The following RBP5 variants were observed in gnomAD, a reference collection of about 807,000 sequenced individuals.
RBP5 encodes retinol-binding protein 5.
A neutral mutation model predicts 17.8 loss-of-function variants in RBP5; 12 were observed. The ratio of observed to expected loss-of-function variants is 0.67; its 90% CI spans 0.43 to 1.09. The LOEUF (loss-of-function observed/expected upper bound fraction) is 1.09, where lower values mean the gene tolerates loss of function less well. Ranked by LOEUF, RBP5 falls within the 50% of genes least tolerant of loss-of-function variation. The pLI, the probability that RBP5 is intolerant of heterozygous loss-of-function variation, is 0.00. For synonymous variants in RBP5, 64 were observed against 68.1 expected (o/e 0.94, Z 0.30); for missense variants, 172 against 169.4 (o/e 1.02, Z -0.09).
downstream of RBP5, chr12:7,120,365 G>A (rs1436572941): frequency 1.3e-5 from 2 of 154,528 alleles, no homozygotes; most frequent in Non-Finnish European, 2.9e-5. Context: ...GGCCTGGAGA[G>A]TGCCGATTCT....
upstream of RBP5, chr12:7,129,508 T>G: frequency 1.7e-6 from 1 of 602,820 alleles, no homozygotes; most frequent in Non-Finnish European, 2.1e-6. This position sits in a 1 kb window ranked among gnomAD's most constrained non-coding sequence, Gnocchi z 5.5. Flanking sequence ...CTGAGAGGAG[T>G]TTGTTGGCTA....
chr12:7,121,283 C>T (rs913078435), downstream of RBP5, among the ~76,000 whole-genome samples: 3 of 152,086 alleles, frequency 2.0e-5, no homozygotes, highest in African/African-American at 2.4e-5. Flanking sequence ...GGGAAAGGTA[C>T]CAAAATGGCC....
intron 2 of RBP5, among the ~76,000 whole-genome samples, chr12:7,125,751 C>T (rs760737654): frequency 1.3e-5 from 2 of 152,234 alleles, no homozygotes; most frequent in African/African-American, 4.8e-5. Context: ...AGGGCTCTAA[C>T]CTAGAGTATA....
rs1397716561 is a variant in RBP5, at chr12:7,128,410, A to T, written c.82T>A (p.Leu28Met). The T allele has an allele frequency of 6.2e-7, 1 of 1,613,982 alleles. No individual in the cohort carries two copies. Among genetic ancestry groups the T allele is most frequent in the East Asian group, 2.2e-5 (1 of 44,892 alleles). ...AGCAGCGCGATCTTCCGCACAGCCA[A>T]GCTGATGTCTGTGGGGGCTGCCTGT... ...EDYLQALNIS[L>M]AVRKIALLLK... Residue 28 changes from leucine to methionine, a missense_variant, in exon 2 of 4, where the codon TTG becomes ATG. By Grantham distance (15) the Leu-to-Met change is conservative. Coordinates refer to ENST00000266560, the MANE Select transcript of RBP5 (RefSeq NM_031491.4). This position sits in a 1 kb window ranked among gnomAD's most constrained non-coding sequence, Gnocchi z 5.3.
chr12:7,126,988 A>ATTTTT (rs35155124), intron 2 of RBP5, among the ~76,000 whole-genome samples: 1 of 86,514 alleles, frequency 1.2e-5, no homozygotes, highest in Non-Finnish European at 2.2e-5. Flanking sequence ...GTACTTTTGT[A>ATTTTT]TTTTTTTTTT....
upstream of RBP5, chr12:7,129,043 TG>T: frequency 2.4e-6 from 1 of 412,454 alleles, no homozygotes; most frequent in South Asian, 2.3e-5. This position sits in a 1 kb window ranked among gnomAD's most constrained non-coding sequence, Gnocchi z 5.5. Flanking sequence ...CGCCTGACCT[TG>T]GCTTTTCCTG....
chr12:7,120,928 T>G (rs1939072412), downstream of RBP5: 1 of 151,024 alleles, frequency 6.6e-6, no homozygotes, highest in South Asian at 2.1e-4. Flanking sequence ...CTCAGGAGGC[T>G]GAGGCACAAG....
downstream of RBP5, chr12:7,119,021 G>C (rs1939043267): frequency 6.5e-6 from 1 of 152,808 alleles, no homozygotes; most frequent in African/African-American, 2.4e-5. Context: ...GAAGCTCCAG[G>C]GCAGGGTGAG....
In RBP5 at chr12:7,124,683, C is replaced by T. The variant is rs1291468196; in HGVS notation, c.300G>A (p.Gly100=). 2.5e-6 allele frequency: 4 copies of T among 1,613,364 alleles called. No individual in the cohort carries two copies. The highest frequency in any genetic ancestry group is 3.4e-6 in the Non-Finnish European group (4 of 1,179,456). Residue 100 remains glycine (G), a synonymous_variant, in exon 3 of 4, where the codon GGG becomes GGA. Transcript: ENST00000266560. This position sits in a 1 kb window ranked among gnomAD's most constrained non-coding sequence, Gnocchi z 5.3. Reference sequence around the variant, plus strand: ...GTCTCCAGCCCCGGTTGGGGACCTCCCCTTTCTGCACACACACCAGGTGCT... The same window carrying T: ...GTCTCCAGCCCCGGTTGGGGACCTCTCCTTTCTGCACACACACCAGGTGCT... The part of the protein sequence containing the change: ...EEEHLVCVQK[G]EVPNRGWRHW...
Position 7,128,797 on chromosome 12 carries a change from A to G in RBP5, c.-22T>C, listed in dbSNP as rs771836927. On this transcript the variant is annotated 5_prime_UTR_variant, in exon 1 of 4. Coordinates refer to ENST00000266560, the MANE Select transcript of RBP5 (RefSeq NM_031491.4). This position sits in a 1 kb window ranked among gnomAD's most constrained non-coding sequence, Gnocchi z 5.3. Reference sequence around the variant, plus strand: ...GCATTGTGTGGATGAAGGTTTCAGGAGAATGCAGGAGACAGGGTGAGGAAG... The same window carrying G: ...GCATTGTGTGGATGAAGGTTTCAGGGGAATGCAGGAGACAGGGTGAGGAAG... 8.3e-6 allele frequency: 13 copies of G among 1,570,220 alleles called. No homozygotes were observed. Among genetic ancestry groups the G allele is most frequent in the South Asian group, 1.2e-5 (1 of 86,212 alleles).
At chr12:7,125,503 C>T (rs1939146115) in intron 2 of RBP5, among the ~76,000 whole-genome samples, 1 of 152,152 alleles carries the variant, frequency 6.6e-6, no homozygotes, top group Admixed American at 6.5e-5. Flanking sequence ...TCCAATCAAC[C>T]TTTATTGAGT....
downstream of RBP5, among the ~76,000 whole-genome samples, chr12:7,119,760 T>C (rs1939054428): frequency 6.6e-6 from 1 of 152,224 alleles, no homozygotes; most frequent in Admixed American, 6.5e-5. Context: ...CTCTGCTGAG[T>C]GTGCATGCAA....
chr12:7,121,271 G>T (rs1939078418), downstream of RBP5, among the ~76,000 whole-genome samples: 2 of 152,114 alleles, frequency 1.3e-5, no homozygotes, highest in Admixed American at 1.3e-4. Context: ...ACATTAGGGT[G>T]GGGGAAAGGT....
chr12:7,128,110 C>G lies in RBP5; in HGVS notation c.252+130G>C, dbSNP rs1591610006. The G allele has an allele frequency of 2.6e-6, 2 of 755,682 alleles. No homozygotes were observed. Among genetic ancestry groups the G allele is most frequent in the East Asian group, 5.5e-5 (2 of 36,692 alleles). The allele number at this position is 755,682 out of a possible 1,614,324, so 46.8% of individuals were successfully genotyped here. On this transcript the variant is annotated intron_variant, in intron 2 of 3. Coordinates refer to ENST00000266560, the MANE Select transcript of RBP5 (RefSeq NM_031491.4). The surrounding 1 kb of genome is among the most constrained non-coding windows in gnomAD (Gnocchi z 5.3). ...AGACTGGTATCCTGGGGACTGCATTCCCTGCTGTGGTGACCATTCCCCTCC... is the reference window on the plus strand; with the variant it reads ...AGACTGGTATCCTGGGGACTGCATTGCCTGCTGTGGTGACCATTCCCCTCC...
intron 2 of RBP5, among the ~76,000 whole-genome samples, chr12:7,126,898 C>T (rs1178797643): frequency 5.3e-5 from 8 of 152,002 alleles, no homozygotes; most frequent in East Asian, 1.9e-4. Flanking sequence ...CTCTGGCTCC[C>T]GGGTTCAAGT....
chr12:7,128,423 G>T lies in RBP5; in HGVS notation c.74-5C>A, dbSNP rs1275048605. ...TCCGCACAGCCAAGCTGATGTCTGT[G>T]GGGGCTGCCTGTTAGTAGGGGTGCT... On this transcript the variant is annotated splice_region_variant and splice_polypyrimidine_tract_variant and intron_variant, in intron 1 of 3. Coordinates refer to ENST00000266560, the MANE Select transcript of RBP5 (RefSeq NM_031491.4). This position sits in a 1 kb window ranked among gnomAD's most constrained non-coding sequence, Gnocchi z 5.3. The T allele has an allele frequency of 1.2e-6, 2 of 1,613,770 alleles. No homozygotes were observed. Among genetic ancestry groups the T allele is most frequent in the African/African-American group, 2.7e-5 (2 of 74,924 alleles).
At position 7,128,030 on chromosome 12, in the gene RBP5, G is replaced by C. The variant is rs1334312658; in HGVS notation, c.252+210C>G. 6.6e-6 allele frequency among the ~76,000 whole-genome samples: 1 copy of C among 152,222 alleles called. No individual in the cohort carries two copies. Among genetic ancestry groups the C allele is most frequent in the Non-Finnish European group, 1.5e-5 (1 of 68,042 alleles). On this transcript the variant is annotated intron_variant, in intron 2 of 3. Coordinates refer to ENST00000266560, the MANE Select transcript of RBP5 (RefSeq NM_031491.4). The surrounding 1 kb of genome is among the most constrained non-coding windows in gnomAD (Gnocchi z 5.3). ...TTGCCCTTTGGGCTGGTGATAAGAGGGGGCAGGGAAGAAGTGGGAGAGAGA... is the reference window on the plus strand; with the variant it reads ...TTGCCCTTTGGGCTGGTGATAAGAGCGGGCAGGGAAGAAGTGGGAGAGAGA...
rs775780332 is a variant in RBP5 at position 7,124,430 on chromosome 12, A to G, written c.354+199T>C. Among the ~76,000 whole-genome samples the G allele has an allele frequency of 2.8e-4, 42 of 152,260 alleles. No individual in the cohort carries two copies. Among genetic ancestry groups the G allele is most frequent in the African/African-American group, 9.6e-4 (40 of 41,552 alleles). On this transcript the variant is annotated intron_variant, in intron 3 of 3. Coordinates refer to ENST00000266560, the MANE Select transcript of RBP5 (RefSeq NM_031491.4). The surrounding 1 kb of genome is among the most constrained non-coding windows in gnomAD (Gnocchi z 5.3). Reference sequence around the variant, plus strand: ...ATTTATGGGCATTCATCCGACTCGTAGCCAGGGCCCACCTTGGCCACTCTG... The same window carrying G: ...ATTTATGGGCATTCATCCGACTCGTGGCCAGGGCCCACCTTGGCCACTCTG...
At chr12:7,121,302 G>T (rs192621738), downstream of RBP5, among the ~76,000 whole-genome samples, 62 of 152,316 alleles carry the variant, frequency 4.1e-4, 1 homozygote, top group East Asian at 9.6e-3. Context: ...CCATGCCTCT[G>T]CTGTCTCTTG....
Sources: allele counts gnomAD v4.1 joint callset (sites outside exome capture counted in the v4.1 genomes callset), GRCh38; gene constraint gnomAD v4.1.1; non-coding constraint Gnocchi (gnomAD v3.1); transcripts MANE v1.5; gene names NCBI Gene and HGNC (gene_info 2026-07-23, HGNC 2026-07-21).